The following SLC29A4 variants were observed in gnomAD, a reference collection of about 807,000 sequenced individuals.
The protein encoded by SLC29A4 is equilibrative nucleoside transporter 4.
In SLC29A4, 36 loss-of-function variants were observed where a neutral mutation model predicts 43.9. The ratio of observed to expected loss-of-function variants is 0.82; its 90% CI spans 0.63 to 1.08. The LOEUF (loss-of-function observed/expected upper bound fraction) is 1.08, where lower values mean the gene tolerates loss of function less well. Ranked by LOEUF, SLC29A4 falls within the 50% of genes least tolerant of loss-of-function variation. SLC29A4 has a pLI of 0.00. For synonymous variants in SLC29A4, 491 were observed against 338.0 expected (o/e 1.45, Z -4.97); for missense variants, 869 against 755.3 (o/e 1.15, Z -1.77).
At chr7:5,284,820 G>A (rs762882083) in intron 1 of SLC29A4, among the ~76,000 whole-genome samples, 3 of 152,220 alleles carry the variant, frequency 2.0e-5, no homozygotes, top group Non-Finnish European at 2.9e-5. Flanking sequence ...GACAGCAGCC[G>A]CCTCCTGGCT....
intron 2 of SLC29A4, among the ~76,000 whole-genome samples, chr7:5,290,229 G>T (rs920423060): frequency 3.9e-5 from 6 of 152,086 alleles, no homozygotes; most frequent in Middle Eastern, 3.4e-3. Flanking sequence ...AATTTTTTGG[G>T]TTTTTTTGTA....
rs1265016864 is a variant in SLC29A4 at position 5,287,827 on chromosome 7, T to TG, written c.15dup (p.Ser6GlufsTer5). 3.1e-6 allele frequency: 5 copies of TG among 1,611,258 alleles called. No homozygotes were observed. In the South Asian group the frequency reaches 4.4e-5, roughly 14 times the overall value. ...AAAGCAGAGGCTGCCATGGGCTCCGTGGGGAGCCAGCGCCTTGAGGAGCCC... is the reference window on the plus strand; with the variant it reads ...AAAGCAGAGGCTGCCATGGGCTCCGTGGGGGAGCCAGCGCCTTGAGGAGCCC... On this transcript the variant is annotated frameshift_variant, in exon 2 of 11. Transcript: ENST00000396872. LOFTEE classifies it high-confidence loss of function.
chr7:5,304,945 T>C lies in SLC29A4; in HGVS notation c.*2006T>C, dbSNP rs748336346. On this transcript the variant is annotated 3_prime_UTR_variant, in exon 11 of 11. Coordinates refer to ENST00000396872, the MANE Select transcript of SLC29A4 (RefSeq NM_153247.4). ...GATCCTCCCACCTCAGCCTCCCAAA[T>C]AGCTGTGAATACAGGCGCGTGCCAC... 1.2e-4 allele frequency: 19 copies of C among 152,214 alleles called. No individual in the cohort carries two copies. Among genetic ancestry groups the C allele is most frequent in the Non-Finnish European group, 1.9e-4 (13 of 68,064 alleles). 9.4% of individuals were successfully genotyped at this position (152,214 alleles called of 1,614,324 possible). A position where few individuals can be genotyped will look rare whatever the true frequency, so the allele number is the denominator to read the frequency against.
chr7:5,299,201 C>G, intron 8 of SLC29A4, 39 bp from the exon 9 acceptor site: 1 of 1,599,118 alleles, frequency 6.3e-7, no homozygotes, highest in Non-Finnish European at 8.5e-7. Context: ...CAGGGGTCCC[C>G]GTGGGCGCTG....
intron 5 of SLC29A4, 80 bp downstream of exon 5, chr7:5,291,901 T>G: frequency 6.5e-7 from 1 of 1,533,276 alleles, no homozygotes; most frequent in Non-Finnish European, 8.8e-7. Flanking sequence ...CTCCTGCTGG[T>G]GGCATGTGAC....
At chr7:5,289,184 C>T (rs1422891808) in intron 2 of SLC29A4, among the ~76,000 whole-genome samples, 5 of 152,058 alleles carry the variant, frequency 3.3e-5, no homozygotes, top group African/African-American at 9.7e-5. Context: ...AACACTTGAG[C>T]CCAGGAGTTT....
intron 5 of SLC29A4, 65 bp from the exon 6 acceptor site, chr7:5,294,795 G>T: frequency 1.4e-5 from 22 of 1,530,174 alleles, no homozygotes; most frequent in Non-Finnish European, 2.0e-5. Flanking sequence ...GTTCTCTAGT[G>T]CATTTCTCCC....
Position 5,300,586 on chromosome 7 carries a change from C to T in SLC29A4, c.1374C>T (p.Ile458=). The change falls in exon 10 of 11, where the codon ATC becomes ATT. Residue 458 remains isoleucine, a synonymous_variant. Coordinates refer to ENST00000396872, the MANE Select transcript of SLC29A4 (RefSeq NM_153247.4). ...WPCIFSLLMG[I]SNGYFGSVPM... Reference sequence around the variant, plus strand: ...GCATCTTCTCACTGCTCATGGGCATCAGCAACGGCTACTTCGGCAGCGTGC... The same window carrying T: ...GCATCTTCTCACTGCTCATGGGCATTAGCAACGGCTACTTCGGCAGCGTGC... 2.5e-6 allele frequency: 4 copies of T among 1,611,990 alleles called. No individual in the cohort carries two copies. Among genetic ancestry groups the T allele is most frequent in the African/African-American group, 2.7e-5 (2 of 75,006 alleles).
At chr7:5,287,195 G>A (rs1006984293) in intron 1 of SLC29A4, among the ~76,000 whole-genome samples, 1 of 152,210 alleles carries the variant, frequency 6.6e-6, no homozygotes, top group African/African-American at 2.4e-5. Flanking sequence ...GGAGGCCGAG[G>A]CAGGAGTTGG....
chr7:5,287,787 C>G (rs367596044), intron 1 of SLC29A4, 22 bp from the exon 2 acceptor site: 16 of 1,605,818 alleles, frequency 1.0e-5, no homozygotes, highest in Admixed American at 1.7e-5. Flanking sequence ...CTCACCTGCT[C>G]TCTCTGCTTT....
intron 1 of SLC29A4, among the ~76,000 whole-genome samples, chr7:5,285,909 C>G (rs1021725888): frequency 5.3e-5 from 8 of 152,170 alleles, no homozygotes; most frequent in Middle Eastern, 3.4e-3. Flanking sequence ...ACTTAAGAGA[C>G]TGAGGTGGGA....
rs1374598273 is a variant in SLC29A4, at chr7:5,306,204, T to G, written c.*3265T>G. On this transcript the variant is annotated 3_prime_UTR_variant, in exon 11 of 11. Transcript: ENST00000396872. Reference sequence around the variant, plus strand: ...TTTGTTCAATTTCTTTTTTTTTTTTTTTTTTTTTTTTTGAGACAATCTCTG... The same window carrying G: ...TTTGTTCAATTTCTTTTTTTTTTTTGTTTTTTTTTTTTGAGACAATCTCTG... 7.0e-6 allele frequency: 1 copy of G among 142,266 alleles called. No individual in the cohort carries two copies. The highest frequency in any genetic ancestry group is 1.5e-5 in the Non-Finnish European group (1 of 65,342). The allele number at this position is 142,266 out of a possible 1,614,324, so 8.8% of individuals were successfully genotyped here.
intron 5 of SLC29A4, among the ~76,000 whole-genome samples, chr7:5,293,162 CTTTT>C (rs58758343): frequency 8.5e-6 from 1 of 117,278 alleles, no homozygotes; most frequent in Non-Finnish European, 1.7e-5. Flanking sequence ...TTTTTTTTCT[CTTTT>C]TTTTTTTTTT....
At chr7:5,283,611 G>T (rs1268701620) in intron 1 of SLC29A4, among the ~76,000 whole-genome samples, 2 of 152,170 alleles carry the variant, frequency 1.3e-5, no homozygotes, top group African/African-American at 4.8e-5. Flanking sequence ...GGCCCGGGGG[G>T]CCAGCCTGTG....
intron 1 of SLC29A4, among the ~76,000 whole-genome samples, chr7:5,283,643 C>T (rs1380046728): frequency 6.6e-6 from 1 of 152,152 alleles, no homozygotes; most frequent in African/African-American, 2.4e-5. Context: ...CATCGGTCCC[C>T]GGGGGGCTGC....
At chr7:5,291,958 A>G (rs1785337661) in intron 5 of SLC29A4, 137 bp downstream of exon 5, 5 of 1,252,884 alleles carry the variant, frequency 4.0e-6, no homozygotes, top group Non-Finnish European at 5.4e-6. Flanking sequence ...GTCCACCTGC[A>G]TGCCAGCGTG....
At chr7:5,295,111 G>A (rs1314533405) in intron 6 of SLC29A4, among the ~76,000 whole-genome samples, 177 bp downstream of exon 6, 1 of 152,134 alleles carries the variant, frequency 6.6e-6, no homozygotes, top group Non-Finnish European at 1.5e-5. Context: ...GGGTAGAAAA[G>A]GGGTGCACTC....
intron 7 of SLC29A4, among the ~76,000 whole-genome samples, chr7:5,298,766 C>G (rs1343121467): frequency 6.6e-6 from 1 of 152,156 alleles, no homozygotes; most frequent in African/African-American, 2.4e-5. Flanking sequence ...CACCACTGCA[C>G]TCCAGCCTCG....
At chr7:5,283,558 A>G (rs1009912903) in intron 1 of SLC29A4, among the ~76,000 whole-genome samples, 37 of 152,182 alleles carry the variant, frequency 2.4e-4, no homozygotes, top group Middle Eastern at 3.4e-3. Flanking sequence ...GAGGCCGGAC[A>G]GGCGGCAGAA....
Sources: gnomAD v4.1 joint callset for allele counts (sites outside exome capture counted in the v4.1 genomes callset) on GRCh38, gnomAD v4.1.1 for gene constraint, MANE v1.5 for transcripts, NCBI Gene and HGNC (gene_info 2026-07-23, HGNC 2026-07-21) for gene names.